INO80D: variants seen among roughly 807,000 people sequenced by gnomAD.
The protein encoded by INO80D is INO80 complex subunit D.
In INO80D, 21 loss-of-function variants were observed where a neutral mutation model predicts 87.6. The observed-to-expected ratio is 0.24, with a 90% CI of 0.17 to 0.35. The LOEUF is 0.35. INO80D is among the 10% of genes least tolerant of loss of function. The pLI, the probability that INO80D is intolerant of heterozygous loss-of-function variation, is 1.00. For synonymous variants in INO80D, 440 were observed against 491.0 expected, an observed-to-expected ratio of 0.90 and a Z score of 1.37; for missense variants, 982 against 1,280.7, an observed-to-expected ratio of 0.77 and a Z score of 3.56.
chr2:206,059,103 G>A (rs1052114528), intron 3 of INO80D, among the ~76,000 whole-genome samples: 7 of 151,712 alleles, frequency 4.6e-5, no homozygotes, highest in South Asian at 4.2e-4. Flanking sequence ...AGAACCAGCC[G>A]GGCAAAGTGG....
chr2:206,024,056 A>C lies in INO80D; in HGVS notation c.1298+4055T>G, dbSNP rs111340398. On this transcript the variant is annotated intron_variant, in intron 6 of 10. Transcript: ENST00000403263. Reference sequence around the variant, plus strand: ...ACTCAGCATATACATTTACATACAAATTGGTTCATGCTGGACAATTCTACT... The same window carrying C: ...ACTCAGCATATACATTTACATACAACTTGGTTCATGCTGGACAATTCTACT... 2.6e-5 allele frequency among the ~76,000 whole-genome samples: 4 copies of C among 152,320 alleles called. 1 individual carries two copies. Among genetic ancestry groups the C allele is most frequent in the African/African-American group, 9.6e-5 (4 of 41,568 alleles).
intron 10 of INO80D, among the ~76,000 whole-genome samples, 183 bp from the exon 11 acceptor site, chr2:206,005,716 C>T (rs774881153): frequency 1.3e-5 from 2 of 152,164 alleles, no homozygotes; most frequent in Admixed American, 6.5e-5. Context: ...GGGTCTGTAA[C>T]GTCAGCTACC....
Position 206,062,490 on chromosome 2 carries a change from C to G in INO80D, c.218+309G>C, listed in dbSNP as rs983943897. On this transcript the variant is annotated intron_variant, in intron 3 of 10. Coordinates refer to ENST00000403263, the MANE Select transcript of INO80D (RefSeq NM_017759.5). The surrounding 1 kb of genome is among the most constrained non-coding windows in gnomAD (Gnocchi z 4.6). ...AAATCCGTTTCAAGACTTCAAGCAG[C>G]AACTTTGAGGGAAAAAAAATCTTTT... Among the ~76,000 whole-genome samples the G allele has an allele frequency of 2.0e-5, 3 of 151,990 alleles. No individual in the cohort carries two copies. Among genetic ancestry groups the G allele is most frequent in the Non-Finnish European group, 4.4e-5 (3 of 68,016 alleles).
chr2:206,071,746 C>T lies in INO80D; in HGVS notation c.-123-8502G>A, dbSNP rs115760282. ...ACTTCTGTTGTCTTCTTTTATTTCT[C>T]GAGCTTTTATATCTCATCTTTAAAC... On this transcript the variant is annotated intron_variant, in intron 1 of 10. Transcript: ENST00000403263. Among the ~76,000 whole-genome samples, 821 of 151,746 alleles carry T rather than the reference C, an allele frequency of 5.4e-3. 11 individuals are homozygous for T. Among genetic ancestry groups the T allele is most frequent in the African/African-American group, 0.019 (777 of 41,404 alleles).
chr2:206,075,321 G>A (rs1310005598), intron 1 of INO80D, among the ~76,000 whole-genome samples: 1 of 152,030 alleles, frequency 6.6e-6, no homozygotes, highest in Non-Finnish European at 1.5e-5. Flanking sequence ...CTGTTCTTTT[G>A]ATTCTCCTGT....
At chr2:206,038,038 A>G (rs1238429225) in intron 5 of INO80D, among the ~76,000 whole-genome samples, 1 of 152,240 alleles carries the variant, frequency 6.6e-6, no homozygotes, top group Non-Finnish European at 1.5e-5. Context: ...ACATGTTCAC[A>G]TAGACGTAGA....
rs144790541 is a variant in INO80D at position 206,010,062 on chromosome 2, T to TACACACACACACACAC, written c.1543-284_1543-269dup. Among the ~76,000 whole-genome samples, 15 of 149,078 alleles carry TACACACACACACACAC rather than the reference T, an allele frequency of 1.0e-4. No homozygotes were observed. The South Asian group carries it at 3.0e-3, about 30-fold the overall frequency. ...GATGGTCATTATAGTTGACACTGTC[T>TACACACACACACACAC]ACACACACACACACACACACACACG... On this transcript the variant is annotated intron_variant, in intron 8 of 10. Coordinates refer to ENST00000403263, the MANE Select transcript of INO80D (RefSeq NM_017759.5).
Position 206,007,436 on chromosome 2 carries a change from G to A in INO80D, c.1766C>T (p.Pro589Leu), listed in dbSNP as rs748007599. The A allele has an allele frequency of 1.2e-5, 20 of 1,607,044 alleles. No homozygotes were observed. The highest frequency in any genetic ancestry group is 1.6e-5 in the Non-Finnish European group (19 of 1,177,216). Residue 589 changes from proline to leucine, a missense_variant, in exon 10 of 11, where the codon CCA becomes CTA. Pro to Leu is a moderately conservative substitution (Grantham distance 98). Transcript: ENST00000403263. ...LPVEASHIRS[P>L]STPELSADEL... is the part of the protein sequence containing the mutation. ...ATCAGCACTCAGCTCTGGCGTGGAT[G>A]GGCTCCTGGGAAAGAGGACACTGTT...
chr2:206,029,167 C>T (rs1688698295), intron 5 of INO80D, among the ~76,000 whole-genome samples: 1 of 152,126 alleles, frequency 6.6e-6, no homozygotes, highest in Admixed American at 6.5e-5. Context: ...GGATTACAGG[C>T]ATGAGCCACC....
intron 6 of INO80D, among the ~76,000 whole-genome samples, chr2:206,024,003 C>G (rs1324168200): frequency 2.6e-5 from 4 of 152,156 alleles, no homozygotes; most frequent in Non-Finnish European, 5.9e-5. Flanking sequence ...TCTTTTATAT[C>G]TTTGACAAGA....
intron 4 of INO80D, among the ~76,000 whole-genome samples, chr2:206,048,146 T>C (rs1689250292): frequency 1.3e-5 from 2 of 152,190 alleles, no homozygotes; most frequent in African/African-American, 4.8e-5. Context: ...TGAGCCACCG[T>C]GCCCAGCCTC....
At chr2:206,021,223 T>C (rs1001523633) in intron 6 of INO80D, among the ~76,000 whole-genome samples, 3 of 152,204 alleles carry the variant, frequency 2.0e-5, no homozygotes, top group Admixed American at 2.0e-4. Context: ...AGGGTTTCAA[T>C]GGAATTATTG....
intron 1 of INO80D, among the ~76,000 whole-genome samples, chr2:206,078,183 C>T (rs1052606680): frequency 6.6e-6 from 1 of 151,070 alleles, no homozygotes; most frequent in Non-Finnish European, 1.5e-5. Context: ...TTTGGGAGAC[C>T]GAGGCAGGTG....
In INO80D at chr2:206,017,596, C is replaced by T; in HGVS notation, c.1542+84G>A. ...AAAACTTGTTTCAGTGATTTATATA[C>T]ATACATAGTTTGTGCTAAGTTATAA... On this transcript the variant is annotated intron_variant, in intron 8 of 10. Transcript: ENST00000403263. The T allele has an allele frequency of 3.6e-6, 4 of 1,123,910 alleles. No homozygotes were observed. The South Asian group carries it at 5.8e-5, about 16-fold the overall frequency. 69.6% of individuals were successfully genotyped at this position (1,123,910 alleles called of 1,614,324 possible).
At chr2:206,067,500 T>G (rs111484342) in intron 1 of INO80D, among the ~76,000 whole-genome samples, 7 of 152,246 alleles carry the variant, frequency 4.6e-5, no homozygotes, top group African/African-American at 1.7e-4. Context: ...ATGCTTGAGA[T>G]GATGGCTGTT....
chr2:206,050,902 G>A (rs1356038255), intron 4 of INO80D, among the ~76,000 whole-genome samples: 1 of 152,082 alleles, frequency 6.6e-6, no homozygotes, highest in Non-Finnish European at 1.5e-5. Flanking sequence ...CCGGGAGGCG[G>A]AGCTTGCAGT....
chr2:206,044,921 C>T (rs1156347785), intron 5 of INO80D, among the ~76,000 whole-genome samples: 1 of 152,102 alleles, frequency 6.6e-6, no homozygotes, highest in Non-Finnish European at 1.5e-5. Context: ...GCTCAATTGA[C>T]TCTATTGTGC....
intron 1 of INO80D, among the ~76,000 whole-genome samples, chr2:206,065,721 G>A (rs1344713185): frequency 6.6e-6 from 1 of 152,042 alleles, no homozygotes; most frequent in African/African-American, 2.4e-5. Context: ...TTTTTAAATG[G>A]GCAAATGATT....
intron 1 of INO80D, among the ~76,000 whole-genome samples, chr2:206,069,939 A>G (rs1172327035): frequency 6.6e-6 from 1 of 152,122 alleles, no homozygotes; most frequent in Admixed American, 6.6e-5. Context: ...CCCCGAAAAG[A>G]GCAGATTTGT....
Sources: gnomAD v4.1 joint callset for allele counts (sites outside exome capture counted in the v4.1 genomes callset) on GRCh38, gnomAD v4.1.1 for gene constraint, Gnocchi (gnomAD v3.1) non-coding constraint, MANE v1.5 for transcripts, NCBI Gene and HGNC (gene_info 2026-07-23, HGNC 2026-07-21) for gene names.